INPP4B: variants seen among roughly 807,000 people sequenced by gnomAD.
The protein encoded by INPP4B is inositol polyphosphate 4-phosphatase type II.
A neutral mutation model predicts 122.5 loss-of-function variants in INPP4B; 55 were observed. That is an observed-to-expected ratio of 0.45 (90% CI 0.36 to 0.56). The LOEUF is 0.56. Among genes scored for constraint, INPP4B ranks in the 20% least tolerant of loss-of-function variants. The probability of loss-of-function intolerance (pLI) is 0.00; values close to 1 mark genes in which losing one functional copy is unlikely to be tolerated. For synonymous variants in INPP4B, 403 were observed against 388.7 expected (o/e 1.04, Z -0.43); for missense variants, 1,000 against 1,097.7 (o/e 0.91, Z 1.26).
chr4:142,260,713 T>G (rs1739537158), intron 10 of INPP4B, 149 bp from the exon 11 acceptor site: 2 of 609,694 alleles, frequency 3.3e-6, no homozygotes, highest in Non-Finnish European at 5.8e-6. Context: ...TAGCTCTATC[T>G]TTACTACAAA....
chr4:142,105,535 G>A (rs1420583882), intron 23 of INPP4B, among the ~76,000 whole-genome samples: 7 of 152,124 alleles, frequency 4.6e-5, no homozygotes, highest in Admixed American at 4.6e-4. Context: ...AAAAAGATGA[G>A]AGCCACTTGA....
rs1287228732 is a variant in INPP4B at position 142,525,480 on chromosome 4, T to A, written c.-190-62754A>T. Among the ~76,000 whole-genome samples the A allele has an allele frequency of 7.7e-3, 769 of 99,382 alleles. 24 individuals carry two copies. The highest frequency in any genetic ancestry group is 0.024 in the African/African-American group (750 of 30,996). 65.2% of individuals were successfully genotyped at this position (99,382 alleles called of 152,430 possible). A position where few individuals can be genotyped will look rare whatever the true frequency, so the allele number is the denominator to read the frequency against. ...AGCTGGAGGCATCACACTACCTGAC[T>A]TCAAACTATACTACAAGGCTATAGT... On this transcript the variant is annotated intron_variant, in intron 2 of 25. Coordinates refer to ENST00000262992, the MANE Select transcript of INPP4B (RefSeq NM_001101669.3).
chr4:142,587,767 A>G (rs1736549013), intron 2 of INPP4B, among the ~76,000 whole-genome samples: 1 of 152,104 alleles, frequency 6.6e-6, no homozygotes, highest in Admixed American at 6.6e-5. Context: ...ATCAAATATT[A>G]GATCTTATTC....
At chr4:142,155,041 T>A (rs1031529756) in intron 17 of INPP4B, among the ~76,000 whole-genome samples, 1 of 151,632 alleles carries the variant, frequency 6.6e-6, no homozygotes, top group Admixed American at 6.6e-5. Flanking sequence ...TTAATATATA[T>A]ACACACATAT....
chr4:142,704,677 G>A (rs780545597), intron 2 of INPP4B, among the ~76,000 whole-genome samples: 4 of 151,996 alleles, frequency 2.6e-5, no homozygotes. Context: ...CTTTTTCCCT[G>A]CATCTTTCAC....
intron 2 of INPP4B, among the ~76,000 whole-genome samples, chr4:142,604,022 A>G (rs887432153): frequency 2.6e-5 from 4 of 152,146 alleles, no homozygotes; most frequent in African/African-American, 9.7e-5. Flanking sequence ...CTAGAAGATA[A>G]TACAACATGA....
At chr4:142,575,365 T>C (rs1349811651) in intron 2 of INPP4B, among the ~76,000 whole-genome samples, 2 of 152,236 alleles carry the variant, frequency 1.3e-5, no homozygotes, top group East Asian at 3.9e-4. Context: ...GAAGACCTGT[T>C]GTCATTTTAC....
At chr4:142,537,209 G>T (rs1024155020) in intron 2 of INPP4B, among the ~76,000 whole-genome samples, 3 of 151,700 alleles carry the variant, frequency 2.0e-5, no homozygotes, top group African/African-American at 7.3e-5. Context: ...GTAAATATAG[G>T]CTTCTAGAGA....
In INPP4B at chr4:142,138,321, G is replaced by A. The variant is rs1310408751; in HGVS notation, c.1720+7519C>T. Among the ~76,000 whole-genome samples the A allele has an allele frequency of 3.0e-4, 44 of 144,770 alleles. 1 individual carries two copies. The South Asian group carries it at 9.4e-3, about 31-fold the overall frequency. The allele number at this position is 144,770 out of a possible 152,430, so 95.0% of individuals were successfully genotyped here. On this transcript the variant is annotated intron_variant, in intron 18 of 25. Transcript: ENST00000262992. ...AAACACCGCATGTTCTCACTCATAG[G>A]TGGGAATTGAACAATGAGAACACAT...
intron 11 of INPP4B, among the ~76,000 whole-genome samples, chr4:142,258,329 C>A (rs1459493091): frequency 7.0e-6 from 1 of 143,134 alleles, no homozygotes; most frequent in Non-Finnish European, 1.5e-5. Context: ...AAAGCAATGG[C>A]AACAAAAGCC....
intron 2 of INPP4B, among the ~76,000 whole-genome samples, chr4:142,650,225 A>C (rs900707331): frequency 2.6e-5 from 4 of 152,226 alleles, no homozygotes; most frequent in African/African-American, 9.6e-5. Context: ...AGCACTAAAC[A>C]TGGAAAGAAA....
At chr4:142,236,074 CTCT>C (rs796202620) in intron 12 of INPP4B, among the ~76,000 whole-genome samples, 3 of 152,284 alleles carry the variant, frequency 2.0e-5, no homozygotes, top group African/African-American at 7.2e-5. Flanking sequence ...CTGGCAACTC[CTCT>C]TCTGTGTTTC....
rs557305517 is a variant in INPP4B, at chr4:142,585,824, C to CA, written c.-190-123099dup. Among the ~76,000 whole-genome samples the CA allele has an allele frequency of 1.1e-4, 16 of 147,644 alleles. No individual in the cohort carries two copies. The South Asian group carries it at 2.6e-3, about 24-fold the overall frequency. ...TTAGAGACAATATTATGACTATCCTCAAAAAAAATTACACTAAACACTTTA... is the reference window on the plus strand; with the variant it reads ...TTAGAGACAATATTATGACTATCCTCAAAAAAAAATTACACTAAACACTTTA... On this transcript the variant is annotated intron_variant, in intron 2 of 25. Coordinates refer to ENST00000262992, the MANE Select transcript of INPP4B (RefSeq NM_001101669.3).
At position 142,192,645 on chromosome 4, in the gene INPP4B, T is replaced by C. The variant is rs946272715; in HGVS notation, c.1181+442A>G. ...AAACAGAACATAGAATTCTGTATTG[T>C]TGTGTCTTTTTCAAGTGGCACAATT... On this transcript the variant is annotated intron_variant, in intron 15 of 25. Transcript: ENST00000262992. Among the ~76,000 whole-genome samples, 6 of 152,172 alleles carry C rather than the reference T, an allele frequency of 3.9e-5. No homozygotes were observed. In the South Asian group the frequency reaches 6.2e-4, roughly 16 times the overall value.
intron 1 of INPP4B, 45 bp from the exon 2 acceptor site, chr4:142,725,946 T>G (rs902296513): frequency 1.0e-5 from 4 of 397,444 alleles, no homozygotes; most frequent in Non-Finnish European, 1.8e-5. Flanking sequence ...ACCTTTCTTT[T>G]TTCCTCTTTA....
intron 12 of INPP4B, among the ~76,000 whole-genome samples, chr4:142,210,655 GTATAA>G (rs1304198451): frequency 2.0e-5 from 3 of 152,126 alleles, no homozygotes; most frequent in African/African-American, 7.2e-5. Context: ...TATACAGCAA[GTATAA>G]TATATCAACT....
chr4:142,302,529 C>T (rs1488976426), intron 9 of INPP4B, among the ~76,000 whole-genome samples: 2 of 152,082 alleles, frequency 1.3e-5, no homozygotes, highest in Non-Finnish European at 2.9e-5. Context: ...TAACTGCTTT[C>T]TATACCTCAG....
chr4:142,452,403 G>A (rs1047584871), intron 3 of INPP4B, among the ~76,000 whole-genome samples: 5 of 152,196 alleles, frequency 3.3e-5, no homozygotes, highest in Middle Eastern at 6.3e-3. Context: ...GTGTCATTCA[G>A]CAAAAGGGAA....
At chr4:142,535,659 T>C (rs1447426747) in intron 2 of INPP4B, among the ~76,000 whole-genome samples, 1 of 152,204 alleles carries the variant, frequency 6.6e-6, no homozygotes, top group African/African-American at 2.4e-5. Flanking sequence ...GTTTGGTGCA[T>C]GGTAGGGGCT....
Sources: allele counts gnomAD v4.1 joint callset (sites outside exome capture counted in the v4.1 genomes callset), GRCh38; gene constraint gnomAD v4.1.1; transcripts MANE v1.5; gene names NCBI Gene and HGNC (gene_info 2026-07-23, HGNC 2026-07-21).